FAAH2: variants seen among roughly 807,000 people sequenced by gnomAD.
FAAH2 encodes fatty-acid amide hydrolase 2.
FAAH2 carries 60 observed loss-of-function variants against 36.9 expected under a neutral mutation model. The ratio of observed to expected loss-of-function variants is 1.63; its 90% CI spans 1.32 to 2.02. The LOEUF (loss-of-function observed/expected upper bound fraction) is 2.02, where lower values mean the gene tolerates loss of function less well. Ranked by LOEUF, FAAH2 falls within the 30% of genes most tolerant of loss-of-function variation. The probability of loss-of-function intolerance (pLI) is 0.00; values close to 1 mark genes in which losing one functional copy is unlikely to be tolerated. For missense variants in FAAH2, 689 were observed against 397.5 expected, an observed-to-expected ratio of 1.73 and a Z score of -6.23; for synonymous variants, 214 against 143.8, an observed-to-expected ratio of 1.49 and a Z score of -3.49.
upstream of FAAH2, among the ~76,000 whole-genome samples, chrX:57,284,149 G>A (rs1467392175): frequency 8.9e-6 from 1 of 112,030 alleles, no homozygotes; most frequent in Non-Finnish European, 1.9e-5. Context: ...TGAGAACTCA[G>A]GCAGGGCTGG....
At chrX:57,253,678 A>C in the FAAH2 span, among the ~76,000 whole-genome samples, 2 of 111,564 alleles carry the variant, frequency 1.8e-5, no homozygotes, top group Non-Finnish European at 3.8e-5. Context: ...TAAGCTTCAT[A>C]AGTGAAGAGG....
At chrX:57,349,356 T>A (rs1337168568) in intron 5 of FAAH2, among the ~76,000 whole-genome samples, 1 of 98,180 alleles carries the variant, frequency 1.0e-5, no homozygotes, top group East Asian at 3.1e-4. Context: ...TACACATATA[T>A]ATTTTAAATG....
intron 10 of FAAH2, among the ~76,000 whole-genome samples, chrX:57,471,708 C>A (rs1183919974): frequency 1.8e-5 from 2 of 111,726 alleles, no homozygotes; most frequent in East Asian, 2.8e-4. Flanking sequence ...CATCAACCTA[C>A]AAATGACTTT....
chrX:57,230,643 A>G, the FAAH2 span, among the ~76,000 whole-genome samples: 1 of 111,551 alleles, frequency 9.0e-6, no homozygotes, highest in Non-Finnish European at 1.9e-5. Flanking sequence ...CTTGATTTAT[A>G]TCTAAAAAGC....
intron 8 of FAAH2, among the ~76,000 whole-genome samples, chrX:57,445,695 C>T (rs1018668104): frequency 1.8e-5 from 2 of 111,956 alleles, no homozygotes; most frequent in Non-Finnish European, 1.9e-5. Flanking sequence ...ACGCTGGTAC[C>T]CAACTTGCAA....
chrX:57,444,025 G>T (rs1317585296), intron 8 of FAAH2, among the ~76,000 whole-genome samples: 1 of 111,932 alleles, frequency 8.9e-6, no homozygotes. Context: ...GCCCCTACTG[G>T]GAGCTGTCTC....
At chrX:57,418,927 C>T (rs770233887) in intron 7 of FAAH2, among the ~76,000 whole-genome samples, 1 of 93,604 alleles carries the variant, frequency 1.1e-5, no homozygotes, top group South Asian at 6.6e-4. Context: ...TCCATGTGTT[C>T]TCGTTGTTCA....
the FAAH2 span, among the ~76,000 whole-genome samples, chrX:57,243,193 G>T: frequency 2.8e-4 from 31 of 112,152 alleles, no homozygotes; most frequent in Admixed American, 3.8e-4. Flanking sequence ...TAGCCAGACT[G>T]CCTCTAGATT....
At chrX:57,269,171 A>T in the FAAH2 span, among the ~76,000 whole-genome samples, 5 of 112,130 alleles carry the variant, frequency 4.5e-5, no homozygotes, top group South Asian at 1.9e-3. Flanking sequence ...CAACAAGAAG[A>T]TGTAACTATT....
the FAAH2 span, among the ~76,000 whole-genome samples, chrX:57,254,758 G>A: frequency 8.9e-6 from 1 of 111,837 alleles, no homozygotes; most frequent in South Asian, 3.7e-4. Flanking sequence ...CAGAATCTCT[G>A]GGGCACATTT....
At chrX:57,404,884 C>T (rs781238324) in intron 7 of FAAH2, among the ~76,000 whole-genome samples, 49 of 112,045 alleles carry the variant, frequency 4.4e-4, no homozygotes, top group African/African-American at 1.3e-3. Context: ...TGATCTCAAC[C>T]GGCTAATGCC....
the FAAH2 span, among the ~76,000 whole-genome samples, chrX:57,271,907 A>G: frequency 3.6e-5 from 4 of 111,018 alleles, no homozygotes; most frequent in Non-Finnish European, 7.5e-5. Flanking sequence ...AATGCATTTG[A>G]TGAACTGACA....
intron 7 of FAAH2, among the ~76,000 whole-genome samples, chrX:57,414,454 T>TC (rs2055785889): frequency 8.9e-6 from 1 of 112,012 alleles, no homozygotes; most frequent in Admixed American, 9.5e-5. Flanking sequence ...AAAGGCCTTT[T>TC]CTGCATCGAT....
At chrX:57,229,177 G>A in the FAAH2 span, 1 of 112,303 alleles carries the variant, frequency 8.9e-6, no homozygotes, top group Non-Finnish European at 1.9e-5. Context: ...TTAAGAGACA[G>A]TGTTGACAAT....
chrX:57,263,878 C>T, the FAAH2 span, among the ~76,000 whole-genome samples: 3 of 111,385 alleles, frequency 2.7e-5, no homozygotes, highest in South Asian at 1.1e-3. Flanking sequence ...AAACACAAAA[C>T]CCAGAATACA....
chrX:57,186,047 A>G, the FAAH2 span, among the ~76,000 whole-genome samples: 3 of 111,304 alleles, frequency 2.7e-5, no homozygotes, highest in Admixed American at 9.6e-5. Context: ...GAGTCTTTAT[A>G]GTAGAATGAT....
At chrX:57,322,757 T>G (rs2053068619) in intron 3 of FAAH2, among the ~76,000 whole-genome samples, 1 of 111,425 alleles carries the variant, frequency 9.0e-6, no homozygotes, top group African/African-American at 3.3e-5. Context: ...ATCTTCAAGC[T>G]TCAATATTCT....
Position 57,337,423 on chromosome X carries a change from TG to T in FAAH2, c.623-3847del, listed in dbSNP as rs764380814. Among the ~76,000 whole-genome samples, 32 of 111,609 alleles carry T rather than the reference TG, an allele frequency of 2.9e-4. No individual in the cohort carries two copies. The East Asian group carries it at 5.9e-3, about 21-fold the overall frequency. ...TCATTTTATGAGGCCAGCATCATCC[TG>T]ATAAGAAAACCTGGCAGAGAAAAAA... is the stretch of plus-strand genomic sequence containing the variant. On this transcript the variant is annotated intron_variant, in intron 4 of 10. Transcript: ENST00000374900.
the FAAH2 span, among the ~76,000 whole-genome samples, chrX:57,173,152 GTAGA>G: frequency 8.9e-6 from 1 of 111,847 alleles, no homozygotes; most frequent in Admixed American, 9.4e-5. Flanking sequence ...CATTGCATCT[GTAGA>G]TTGCTTTAGG....
Sources: gnomAD v4.1 joint callset for allele counts (sites outside exome capture counted in the v4.1 genomes callset) on GRCh38, gnomAD v4.1.1 for gene constraint, MANE v1.5 for transcripts, NCBI Gene and HGNC (gene_info 2026-07-23, HGNC 2026-07-21) for gene names.